Variants in RAB41 observed in about 807,000 individuals in gnomAD.
RAB41 encodes RAB41, member RAS oncogene family.
RAB41 carries 15 observed loss-of-function variants against 19.0 expected under a neutral mutation model. The observed-to-expected ratio is 0.79, with a 90% confidence interval of 0.53 to 1.21. The LOEUF (loss-of-function observed/expected upper bound fraction) is 1.21, where lower values mean the gene tolerates loss of function less well. RAB41 is among the 50% of genes most tolerant of loss of function. The pLI, the probability that RAB41 is intolerant of heterozygous loss-of-function variation, is 0.00. For synonymous variants in RAB41, 73 were observed against 64.7 expected, an observed-to-expected ratio of 1.13 and a Z score of -0.62; for missense variants, 177 against 179.7, an observed-to-expected ratio of 0.99 and a Z score of 0.09.
At chrX:70,284,409 G>C in intron 7 of RAB41, 80 bp downstream of exon 7, 1 of 1,071,807 alleles carries the variant, frequency 9.3e-7, no homozygotes, top group Non-Finnish European at 1.3e-6. Context: ...TGATGCCTGA[G>C]TGGTACCTAA....
chrX:70,282,800 A>G lies in RAB41; in HGVS notation c.184-2A>G, dbSNP rs1404505285. ...TGGAGTGTATCTGATTTTCTTTTGC[A>G]GGCAACTGTTGGAATTGACTTCTTG... On this transcript the variant is annotated splice_acceptor_variant, in intron 2 of 7. Transcript: ENST00000374473. LOFTEE classifies it high-confidence loss of function. 1 of 1,210,261 alleles carries G rather than the reference A, an allele frequency of 8.3e-7. No homozygotes were observed. Among genetic ancestry groups the G allele is most frequent in the Non-Finnish European group, 1.1e-6 (1 of 893,977 alleles).
chrX:70,282,745 A>G, intron 2 of RAB41, 57 bp from the exon 3 acceptor site: 1 of 1,160,871 alleles, frequency 8.6e-7, no homozygotes, highest in Non-Finnish European at 1.2e-6. Flanking sequence ...GGGTTCTAAG[A>G]CTGCCTCATA....
At chrX:70,283,428 G>C in intron 4 of RAB41, 55 bp downstream of exon 4, 1 of 1,105,665 alleles carries the variant, frequency 9.0e-7, no homozygotes, top group East Asian at 3.0e-5. Flanking sequence ...GATTGATAGG[G>C]AGATTGACAA....
chrX:70,283,437 A>G, intron 4 of RAB41, 64 bp downstream of exon 4: 1 of 1,107,439 alleles, frequency 9.0e-7, no homozygotes, highest in Non-Finnish European at 1.2e-6. Flanking sequence ...GGAGATTGAC[A>G]AAATTAGCAG....
chrX:70,283,082 T>C (rs887810223), intron 3 of RAB41, among the ~76,000 whole-genome samples, 186 bp from the exon 4 acceptor site: 3 of 112,733 alleles, frequency 2.7e-5, no homozygotes, highest in Non-Finnish European at 5.6e-5. Flanking sequence ...ATCAAAACAG[T>C]ATATTGAAAT....
At position 70,284,312 on chromosome X, in the gene RAB41, C is replaced by G. The variant is rs1442469776; in HGVS notation, c.596C>G (p.Pro199Arg). The change falls in exon 7 of 8, where the codon CCT becomes CGT. Residue 199 changes from proline (P) to arginine (R), a missense_variant. Transcript: ENST00000374473. ...ASALLSTRTSPPPKEGTVEIE... is the reference protein window; with the variant it reads ...ASALLSTRTSRPPKEGTVEIE... ...GCCCTTCTTTCCACAAGGACTTCAC[C>G]TCCACCAAAAGAGGGGAGTATCCTT... The G allele has an allele frequency of 8.3e-7, 1 of 1,209,836 alleles. No individual in the cohort carries two copies. Among genetic ancestry groups the G allele is most frequent in the South Asian group, 1.8e-5 (1 of 56,840 alleles).
Position 70,282,238 on chromosome X carries a change from C to A in RAB41, c.21C>A (p.Asp7Glu), listed in dbSNP as rs1569223928. 4.1e-6 allele frequency: 5 copies of A among 1,211,947 alleles called. No individual in the cohort carries two copies. Among genetic ancestry groups the A allele is most frequent in the Non-Finnish European group, 5.6e-6 (5 of 895,434 alleles). Residue 7 changes from aspartate (D) to glutamate (E), a missense_variant, in exon 1 of 8, where the codon GAC (aspartate) becomes GAA (glutamate). Asp to Glu is a conservative substitution (Grantham distance 45). Coordinates refer to ENST00000374473, the MANE Select transcript of RAB41 (RefSeq NM_001363807.1). ...AAGCGATGTCTGCCTTTGGTCACGA[C>A]GAGGCCTGGATGGAGGCCGGAGGCT... The part of the protein sequence containing the change: MSAFGH[D>E]EAWMEAGGFG...
At position 70,284,737 on chromosome X, in the gene RAB41, C is replaced by A; in HGVS notation, c.*94C>A. The A allele has an allele frequency of 2.9e-6, 2 of 680,806 alleles. No individual in the cohort carries two copies. Among genetic ancestry groups the A allele is most frequent in the Non-Finnish European group, 4.7e-6 (2 of 421,938 alleles). The allele number at this position is 680,806 out of a possible 1,213,427, so 56.1% of individuals were successfully genotyped here. A position where few individuals can be genotyped will look rare whatever the true frequency, so the allele number is the denominator to read the frequency against. ...CCCACCTCGTTTTATGATACATGGC[C>A]ACTTACTCTCTTCCAATTCCTAGGC... On this transcript the variant is annotated 3_prime_UTR_variant, in exon 8 of 8. Coordinates refer to ENST00000374473, the MANE Select transcript of RAB41 (RefSeq NM_001363807.1).
intron 1 of RAB41, 75 bp downstream of exon 1, chrX:70,282,416 A>T: frequency 8.5e-7 from 1 of 1,173,359 alleles, no homozygotes; most frequent in Non-Finnish European, 1.2e-6. Context: ...TCTCTGGGGA[A>T]CCGAGTTCCT....
At chrX:70,284,168 C>A in intron 6 of RAB41, 98 bp from the exon 7 acceptor site, 1 of 1,023,061 alleles carries the variant, frequency 9.8e-7, no homozygotes, top group Non-Finnish European at 1.4e-6. Flanking sequence ...ATCTCCCCAT[C>A]ATGTATCTCA....
chrX:70,284,753 A>G lies in RAB41; in HGVS notation c.*110A>G. 3 of 616,448 alleles carry G rather than the reference A, an allele frequency of 4.9e-6. No homozygotes were observed. In the East Asian group the frequency reaches 1.0e-4, roughly 21 times the overall value. 50.8% of individuals were successfully genotyped at this position (616,448 alleles called of 1,213,427 possible). On this transcript the variant is annotated 3_prime_UTR_variant, in exon 8 of 8. Transcript: ENST00000374473. ...ATACATGGCCACTTACTCTCTTCCA[A>G]TTCCTAGGCTTGGGGTAAAAACAGA... is the stretch of plus-strand genomic sequence containing the variant.
At position 70,282,428 on chromosome X, in the gene RAB41, C is replaced by T. The variant is rs955474272; in HGVS notation, c.124+87C>T. ...CATTCTCTGGGGAACCGAGTTCCTC[C>T]TCGTTGGGAAAGATTGGAGTTGGAG... On this transcript the variant is annotated intron_variant, in intron 1 of 7. Transcript: ENST00000374473. The T allele has an allele frequency of 5.1e-6, 6 of 1,169,856 alleles. No homozygotes were observed. The African/African-American group carries it at 7.1e-5, about 14-fold the overall frequency.
At position 70,284,596 on chromosome X, in the gene RAB41, A is replaced by G. The variant is rs1569224927; in HGVS notation, c.622A>G (p.Ile208Val). Residue 208 changes from isoleucine (I) to valine (V), a missense_variant, in exon 8 of 8, where the codon ATC becomes GTC. By Grantham distance (29) the Ile-to-Val change is conservative. Transcript: ENST00000374473. ...SPPPKEGTVEIELESFEESGN... is the reference protein window; with the variant it reads ...SPPPKEGTVEVELESFEESGN... ...CTTGACACACACTTCAGCGGTTGAA[A>G]TCGAACTGGAATCCTTCGAGGAGTC... The G allele has an allele frequency of 8.3e-7, 1 of 1,210,064 alleles. No individual in the cohort carries two copies. Among genetic ancestry groups the G allele is most frequent in the South Asian group, 1.8e-5 (1 of 56,928 alleles).
chrX:70,283,920 G>A, intron 5 of RAB41, 30 bp from the exon 6 acceptor site: 2 of 1,042,044 alleles, frequency 1.9e-6, no homozygotes, highest in Non-Finnish European at 2.7e-6. Flanking sequence ...CAATAACTCT[G>A]GCCCTTTTCA....
chrX:70,283,761 C>T (rs1024230721), intron 5 of RAB41, 137 bp downstream of exon 5: 3 of 545,615 alleles, frequency 5.5e-6, no homozygotes, highest in Non-Finnish European at 9.4e-6. Context: ...ATGGGAAGGA[C>T]AGGGGGGCGT....
rs751179487 is a variant in RAB41 at position 70,282,520 on chromosome X, A to G, written c.125-13A>G. 5.8e-6 allele frequency: 7 copies of G among 1,206,228 alleles called. No homozygotes were observed. The highest frequency in any genetic ancestry group is 1.1e-6 in the Non-Finnish European group (1 of 892,292). ...ACTGAGGGCGACGATTGGCCTGCTT[A>G]TCTCCCTCACAGTAGGGAAGACATC... On this transcript the variant is annotated splice_polypyrimidine_tract_variant and intron_variant, in intron 1 of 7. Transcript: ENST00000374473.
At position 70,282,226 on chromosome X, in the gene RAB41, C is replaced by A. The variant is rs757701050; in HGVS notation, c.9C>A (p.Ala3=). 4 of 1,210,838 alleles carry A rather than the reference C, an allele frequency of 3.3e-6. No individual in the cohort carries two copies. The highest frequency in any genetic ancestry group is 4.5e-6 in the Non-Finnish European group (4 of 895,342). ...GCAACCTACCTGAAGCGATGTCTGCCTTTGGTCACGACGAGGCCTGGATGG... is the reference window on the plus strand; with the variant it reads ...GCAACCTACCTGAAGCGATGTCTGCATTTGGTCACGACGAGGCCTGGATGG... MS[A]FGHDEAWMEA... is the part of the protein sequence containing the mutation. Residue 3 remains alanine (A), a synonymous_variant, in exon 1 of 8, where the codon GCC becomes GCA. Coordinates refer to ENST00000374473, the MANE Select transcript of RAB41 (RefSeq NM_001363807.1).
Position 70,284,957 on chromosome X carries a change from T to C in RAB41, c.*314T>C, listed in dbSNP as rs2085710519. 2 of 289,728 alleles carry C rather than the reference T, an allele frequency of 6.9e-6. No homozygotes were observed. Among genetic ancestry groups the C allele is most frequent in the Non-Finnish European group, 1.2e-5 (2 of 163,792 alleles). 23.9% of individuals were successfully genotyped at this position (289,728 alleles called of 1,213,427 possible). Reference sequence around the variant, plus strand: ...GCCAATACAATTCATTCTCCACTGTTTGTTGTTGTTTACCTACACCCTCAA... The same window carrying C: ...GCCAATACAATTCATTCTCCACTGTCTGTTGTTGTTTACCTACACCCTCAA... On this transcript the variant is annotated 3_prime_UTR_variant, in exon 8 of 8. Coordinates refer to ENST00000374473, the MANE Select transcript of RAB41 (RefSeq NM_001363807.1).
chrX:70,283,339 T>C lies in RAB41; in HGVS notation c.309T>C (p.Asp103=), dbSNP rs754766157. The change falls in exon 4 of 8, where the codon GAT becomes GAC. Residue 103 remains aspartate, a synonymous_variant. Transcript: ENST00000374473. ...FHSLIPSYIR[D]STIAVVVYDI... Reference sequence around the variant, plus strand: ...GCCTAATTCCTAGCTACATTCGTGATTCAACTATTGCAGTGGTTGTCTATG... The same window carrying C: ...GCCTAATTCCTAGCTACATTCGTGACTCAACTATTGCAGTGGTTGTCTATG... 20 of 1,207,908 alleles carry C rather than the reference T, an allele frequency of 1.7e-5. No homozygotes were observed. In the East Asian group the frequency reaches 5.9e-4, roughly 36 times the overall value.
Sources: gnomAD v4.1 joint callset for allele counts (sites outside exome capture counted in the v4.1 genomes callset) on GRCh38, gnomAD v4.1.1 for gene constraint, MANE v1.5 for transcripts, NCBI Gene and HGNC (gene_info 2026-07-23, HGNC 2026-07-21) for gene names.